Variants in RBMS3 observed in about 807,000 individuals in gnomAD.
RBMS3 encodes RNA binding motif single stranded interacting protein 3.
RBMS3 carries 27 observed loss-of-function variants against 66.8 expected under a neutral mutation model. The observed-to-expected ratio is 0.40, with a 90% confidence interval of 0.30 to 0.56. The LOEUF (loss-of-function observed/expected upper bound fraction) is 0.56. Ranked by LOEUF, RBMS3 falls within the 20% of genes least tolerant of loss-of-function variation. RBMS3 has a pLI of 0.40. For missense variants in RBMS3, 513 were observed against 549.5 expected (o/e 0.93, Z 0.66); for synonymous variants, 188 against 183.0 (o/e 1.03, Z -0.22).
intron 3 of RBMS3, among the ~76,000 whole-genome samples, chr3:29,568,267 C>G (rs1463021237): frequency 6.6e-6 from 1 of 152,132 alleles, no homozygotes; most frequent in African/African-American, 2.4e-5. Flanking sequence ...GGAAGGAGAG[C>G]AGATACTTGT....
intron 6 of RBMS3, among the ~76,000 whole-genome samples, chr3:29,866,749 A>G (rs1464453462): frequency 2.0e-5 from 3 of 152,202 alleles, no homozygotes; most frequent in Non-Finnish European, 4.4e-5. Flanking sequence ...AGGAATCAGA[A>G]TTTACAGTAC....
At chr3:29,695,213 A>T (rs1042226241) in intron 4 of RBMS3, among the ~76,000 whole-genome samples, 1 of 152,202 alleles carries the variant, frequency 6.6e-6, no homozygotes, top group Non-Finnish European at 1.5e-5. Flanking sequence ...AGTCTTGCAA[A>T]GATCTAGTAT....
intron 6 of RBMS3, among the ~76,000 whole-genome samples, chr3:29,857,095 C>A (rs2059095148): frequency 1.3e-5 from 2 of 152,162 alleles, no homozygotes; most frequent in South Asian, 4.1e-4. Context: ...TTAACTCATA[C>A]CTGCATTGTA....
chr3:29,678,631 TC>T (rs2051354557), intron 4 of RBMS3, among the ~76,000 whole-genome samples: 1 of 152,086 alleles, frequency 6.6e-6, no homozygotes, highest in Non-Finnish European at 1.5e-5. Context: ...TGCCATAATT[TC>T]CATATACAAA....
At chr3:29,309,233 T>C (rs756600500) in intron 1 of RBMS3, among the ~76,000 whole-genome samples, 1 of 151,472 alleles carries the variant, frequency 6.6e-6, no homozygotes, top group Admixed American at 6.6e-5. Context: ...AGAGGAGATA[T>C]AGGAGAAAGA....
intron 1 of RBMS3, among the ~76,000 whole-genome samples, chr3:29,390,144 T>C (rs1045857295): frequency 1.4e-4 from 22 of 152,360 alleles, no homozygotes; most frequent in African/African-American, 3.8e-4. Context: ...GTTATCAAAT[T>C]CCATTTTGAA....
At chr3:29,770,058 C>T (rs2056129706) in intron 6 of RBMS3, among the ~76,000 whole-genome samples, 1 of 151,802 alleles carries the variant, frequency 6.6e-6, no homozygotes, top group Non-Finnish European at 1.5e-5. Flanking sequence ...ATTGTAGTTT[C>T]TTTAAAGAAC....
chr3:29,590,163 T>C (rs1411024914), intron 4 of RBMS3, among the ~76,000 whole-genome samples: 1 of 151,954 alleles, frequency 6.6e-6, no homozygotes, highest in African/African-American at 2.4e-5. Context: ...TACATAGTGG[T>C]TAGGAGCATA....
intron 1 of RBMS3, among the ~76,000 whole-genome samples, chr3:29,419,597 A>G (rs1042062092): frequency 5.1e-4 from 77 of 152,288 alleles, no homozygotes; most frequent in African/African-American, 1.9e-3. Context: ...TATTTTCTCT[A>G]CTTACAAAAC....
At chr3:29,725,449 AC>A (rs1246722014) in intron 4 of RBMS3, among the ~76,000 whole-genome samples, 2 of 152,126 alleles carry the variant, frequency 1.3e-5, no homozygotes, top group Non-Finnish European at 2.9e-5. Flanking sequence ...GAAAAGATTA[AC>A]AAAATAGAGA....
At chr3:29,573,627 T>A (rs987521718) in intron 3 of RBMS3, among the ~76,000 whole-genome samples, 1 of 152,168 alleles carries the variant, frequency 6.6e-6, no homozygotes, top group Non-Finnish European at 1.5e-5. Flanking sequence ...CATACTTGCA[T>A]TTTTAGTTCT....
intron 2 of RBMS3, among the ~76,000 whole-genome samples, chr3:29,448,369 G>A (rs992683131): frequency 2.0e-5 from 3 of 152,172 alleles, no homozygotes; most frequent in African/African-American, 7.2e-5. Flanking sequence ...GTATTTCCAG[G>A]GAATGCTTTT....
At chr3:29,794,324 C>T (rs552202006) in intron 6 of RBMS3, among the ~76,000 whole-genome samples, 4 of 152,252 alleles carry the variant, frequency 2.6e-5, no homozygotes, top group East Asian at 1.9e-4. Context: ...CGGTGGCTCA[C>T]GCCTGTAATC....
At chr3:29,865,101 G>GAA (rs2059324588) in intron 6 of RBMS3, among the ~76,000 whole-genome samples, 6 of 145,274 alleles carry the variant, frequency 4.1e-5, no homozygotes, top group African/African-American at 1.6e-4. Context: ...AGGGAGGGAG[G>GAA]GAGGGAGGAA....
chr3:29,718,444 A>G (rs1383019805), intron 4 of RBMS3, among the ~76,000 whole-genome samples: 2 of 152,074 alleles, frequency 1.3e-5, no homozygotes, highest in African/African-American at 4.8e-5. Context: ...AGGGATGGGG[A>G]AAATGTTCAA....
At chr3:29,617,237 A>C (rs1376721399) in intron 4 of RBMS3, among the ~76,000 whole-genome samples, 1 of 152,240 alleles carries the variant, frequency 6.6e-6, no homozygotes, top group East Asian at 1.9e-4. Flanking sequence ...CAGCTCCAAA[A>C]CTAAGGTTGC....
At chr3:29,759,152 C>T (rs142728992) in intron 5 of RBMS3, among the ~76,000 whole-genome samples, 106 of 151,888 alleles carry the variant, frequency 7.0e-4, no homozygotes, top group Admixed American at 1.1e-3. Flanking sequence ...TCTCATCTGA[C>T]GTAATTTGCC....
rs1285952413 is a variant in RBMS3, at chr3:30,007,776, C to T, written c.*3914C>T. 1 of 152,034 alleles carries T rather than the reference C, an allele frequency of 6.6e-6. No homozygotes were observed. Among genetic ancestry groups the T allele is most frequent in the Admixed American group, 6.6e-5 (1 of 15,252 alleles). The allele number at this position is 152,034 out of a possible 1,614,324, so 9.4% of individuals were successfully genotyped here. ...TAGTTTTGCGAGGATTAGTTTGTTT[C>T]CTTGGTAGATTTCAACATTTCAGAA... On this transcript the variant is annotated 3_prime_UTR_variant, in exon 15 of 15. Coordinates refer to ENST00000383767, the MANE Select transcript of RBMS3 (RefSeq NM_001003793.3).
intron 6 of RBMS3, among the ~76,000 whole-genome samples, chr3:29,851,975 AACAG>A (rs1158607926): frequency 6.6e-6 from 1 of 152,226 alleles, no homozygotes; most frequent in Non-Finnish European, 1.5e-5. Context: ...CTGGTACAAA[AACAG>A]ACACATAGGC....
Sources: allele counts gnomAD v4.1 joint callset (sites outside exome capture counted in the v4.1 genomes callset), GRCh38; gene constraint gnomAD v4.1.1; transcripts MANE v1.5; gene names NCBI Gene and HGNC (gene_info 2026-07-23, HGNC 2026-07-21).